SLIT3: variants seen among roughly 807,000 people sequenced by gnomAD.
SLIT3 encodes the protein slit guidance ligand 3, also known as slit homolog 3 protein.
SLIT3 carries 68 observed loss-of-function variants against 184.0 expected under a neutral mutation model. That is an observed-to-expected ratio of 0.37 (90% CI 0.30 to 0.45). The LOEUF (loss-of-function observed/expected upper bound fraction) is 0.45, where lower values mean the gene tolerates loss of function less well. SLIT3 is among the 20% of genes least tolerant of loss of function. The pLI is 1.00. For missense variants in SLIT3, 1,707 were observed against 2,026.0 expected (o/e 0.84, Z 3.02); for synonymous variants, 831 against 828.6 (o/e 1.00, Z -0.05).
intron 4 of SLIT3, among the ~76,000 whole-genome samples, chr5:169,005,071 G>T (rs914983558): frequency 6.6e-6 from 1 of 152,148 alleles, no homozygotes; most frequent in African/African-American, 2.4e-5. Flanking sequence ...GGAATACTTC[G>T]TGTTTCTGTG....
At chr5:169,075,963 A>T (rs1758723238) in intron 4 of SLIT3, among the ~76,000 whole-genome samples, 2 of 152,174 alleles carry the variant, frequency 1.3e-5, no homozygotes, top group Non-Finnish European at 2.9e-5. Flanking sequence ...CATCTTGGGG[A>T]GGGGTGATAA....
At chr5:169,130,378 T>C (rs1761250836) in intron 4 of SLIT3, among the ~76,000 whole-genome samples, 1 of 152,246 alleles carries the variant, frequency 6.6e-6, no homozygotes, top group Non-Finnish European at 1.5e-5. Flanking sequence ...GGTGGAACTG[T>C]AGAAAGAGCT....
intron 4 of SLIT3, among the ~76,000 whole-genome samples, chr5:169,155,430 A>G (rs1762270185): frequency 6.6e-6 from 1 of 152,182 alleles, no homozygotes; most frequent in African/African-American, 2.4e-5. Context: ...TGAAAACCCC[A>G]CTGCCCCACA....
At chr5:168,708,413 C>G (rs1043991721) in intron 25 of SLIT3, 2 of 414,438 alleles carry the variant, frequency 4.8e-6, no homozygotes, top group African/African-American at 2.0e-5. Context: ...TTAGAAACCC[C>G]CTGTGTATCT....
intron 5 of SLIT3, among the ~76,000 whole-genome samples, chr5:168,873,342 T>A (rs548855490): frequency 6.9e-4 from 105 of 151,912 alleles, no homozygotes; most frequent in Non-Finnish European, 1.2e-3. Flanking sequence ...AACAAGATAA[T>A]ACATATGGCC....
intron 1 of SLIT3, among the ~76,000 whole-genome samples, chr5:169,262,719 G>A (rs1452416896): frequency 6.7e-6 from 1 of 149,540 alleles, no homozygotes; most frequent in Non-Finnish European, 1.5e-5. Context: ...ACTGCCCTCA[G>A]CTTGCCTCAT....
chr5:168,793,629 G>A (rs192982283), intron 10 of SLIT3, among the ~76,000 whole-genome samples: 1 of 152,162 alleles, frequency 6.6e-6, no homozygotes, highest in African/African-American at 2.4e-5. Flanking sequence ...CAATAGGTTG[G>A]AGAAGGAACA....
intron 4 of SLIT3, among the ~76,000 whole-genome samples, chr5:168,974,937 T>C (rs1304924582): frequency 6.6e-6 from 1 of 152,174 alleles, no homozygotes; most frequent in Non-Finnish European, 1.5e-5. Flanking sequence ...CTAGAAACCC[T>C]GTTCATTTGC....
intron 6 of SLIT3, among the ~76,000 whole-genome samples, chr5:168,835,624 C>A (rs921582123): frequency 2.0e-5 from 3 of 151,872 alleles, no homozygotes; most frequent in African/African-American, 7.3e-5. Flanking sequence ...GACTGGCCAA[C>A]GTGGTGAAAC....
At chr5:169,195,992 A>C (rs1183904504) in intron 3 of SLIT3, among the ~76,000 whole-genome samples, 1 of 152,158 alleles carries the variant, frequency 6.6e-6, no homozygotes, top group Non-Finnish European at 1.5e-5. Context: ...AATCTCCAGA[A>C]CTTTTTCATC....
Position 168,722,917 on chromosome 5 carries a change from A to AT in SLIT3, c.2411+15dup. The AT allele has an allele frequency of 6.3e-7, 1 of 1,587,292 alleles. No individual in the cohort carries two copies. Among genetic ancestry groups the AT allele is most frequent in the East Asian group, 2.2e-5 (1 of 44,764 alleles). On this transcript the variant is annotated intron_variant, in intron 22 of 35. Coordinates refer to ENST00000519560, the MANE Select transcript of SLIT3 (RefSeq NM_003062.4). ...GGCCCAAGGGCATGGTAAACACAGC[A>AT]TCTCAGTGTACTCACAGAGTGGAGA... is the stretch of plus-strand genomic sequence containing the variant.
At chr5:169,288,376 T>C (rs979303850) in intron 1 of SLIT3, among the ~76,000 whole-genome samples, 4 of 152,012 alleles carry the variant, frequency 2.6e-5, no homozygotes, top group Admixed American at 1.3e-4. Context: ...ATTCCACTTG[T>C]ACTATTTTTT....
At chr5:169,113,827 T>A (rs1238259311) in intron 4 of SLIT3, among the ~76,000 whole-genome samples, 1 of 152,088 alleles carries the variant, frequency 6.6e-6, no homozygotes, top group Admixed American at 6.5e-5. Context: ...AGCTAATTTT[T>A]GTATTTTTAG....
intron 4 of SLIT3, among the ~76,000 whole-genome samples, chr5:169,049,673 TTGTC>T (rs1757750750): frequency 1.3e-5 from 2 of 152,306 alleles, no homozygotes; most frequent in East Asian, 3.9e-4. Flanking sequence ...CGGCTTCTAA[TTGTC>T]TGAAGATCTA....
chr5:168,786,600 C>A (rs756601410), intron 11 of SLIT3, among the ~76,000 whole-genome samples: 1 of 151,516 alleles, frequency 6.6e-6, no homozygotes, highest in Non-Finnish European at 1.5e-5. Context: ...GTTCCAGGAA[C>A]GCAGGAACTC....
chr5:169,010,882 C>G (rs1756116984), intron 4 of SLIT3, among the ~76,000 whole-genome samples: 1 of 148,100 alleles, frequency 6.8e-6, no homozygotes, highest in Non-Finnish European at 1.5e-5. Context: ...GCACTCCAGC[C>G]TGGGCGACAG....
intron 5 of SLIT3, among the ~76,000 whole-genome samples, chr5:168,847,320 T>C (rs1441487672): frequency 6.6e-6 from 1 of 152,214 alleles, no homozygotes; most frequent in Non-Finnish European, 1.5e-5. Flanking sequence ...TTGTCTCCTT[T>C]TGTTCTAACC....
intron 4 of SLIT3, among the ~76,000 whole-genome samples, chr5:168,956,955 G>T (rs1264203487): frequency 6.6e-6 from 1 of 150,976 alleles, no homozygotes; most frequent in Admixed American, 6.6e-5. Context: ...AAAAAAAAAG[G>T]CAGTGGCTCA....
rs1361028091 is a variant in SLIT3, at chr5:168,772,868, C to T, written c.1372G>A (p.Glu458Lys). The stretch of plus-strand genomic sequence containing the variant: ...CTGCTGCAGCGGGCCCCGCTTGTCT[C>T]GATGGGGTTGTCCTGGAGGTAGTCG... Reference protein sequence around the residue: ...LADYLQDNPIETSGARCSSPR... With the variant: ...LADYLQDNPIKTSGARCSSPR... The change falls in exon 14 of 36, where the codon GAG (glutamate) becomes AAG (lysine). Residue 458 changes from glutamate (E) to lysine (K), a missense_variant. By Grantham distance (56) the Glu-to-Lys change is moderately conservative. Coordinates refer to ENST00000519560, the MANE Select transcript of SLIT3 (RefSeq NM_003062.4). 14 of 1,613,928 alleles carry T rather than the reference C, an allele frequency of 8.7e-6. No individual in the cohort carries two copies. Among genetic ancestry groups the T allele is most frequent in the Admixed American group, 6.7e-5 (4 of 59,992 alleles).
Sources: allele counts gnomAD v4.1 joint callset (sites outside exome capture counted in the v4.1 genomes callset), GRCh38; gene constraint gnomAD v4.1.1; transcripts MANE v1.5; gene names NCBI Gene and HGNC (gene_info 2026-07-23, HGNC 2026-07-21).